SRGAP2: variants seen among roughly 807,000 people sequenced by gnomAD.
The protein encoded by SRGAP2 is SLIT-ROBO Rho GTPase-activating protein 2.
In SRGAP2, 15 loss-of-function variants were observed where a neutral mutation model predicts 57.2. The observed-to-expected ratio is 0.26, with a 90% CI of 0.18 to 0.40. The LOEUF (loss-of-function observed/expected upper bound fraction) is 0.40. Ranked by LOEUF, SRGAP2 falls within the 10% of genes least tolerant of loss-of-function variation. SRGAP2 has a pLI of 1.00. For synonymous variants in SRGAP2, 249 were observed against 248.0 expected, an observed-to-expected ratio of 1.00 and a Z score of -0.04; for missense variants, 520 against 669.6, an observed-to-expected ratio of 0.78 and a Z score of 2.47.
intron 4 of SRGAP2, among the ~76,000 whole-genome samples, chr1:206,372,928 T>G (rs1338621850): frequency 6.7e-4 from 5 of 7,454 alleles, no homozygotes; most frequent in African/African-American, 2.0e-3. Context: ...TCTTTCTTTC[T>G]TTCTTTCTTT....
intron 2 of SRGAP2, among the ~76,000 whole-genome samples, chr1:206,267,644 T>C (rs1341789446): frequency 1.3e-5 from 2 of 152,196 alleles, no homozygotes; most frequent in African/African-American, 4.8e-5. Flanking sequence ...CTAAGAGATG[T>C]AATAAATAAT....
intron 3 of SRGAP2, among the ~76,000 whole-genome samples, chr1:206,339,141 G>A (rs1674985311): frequency 6.7e-6 from 1 of 149,764 alleles, no homozygotes; most frequent in Admixed American, 6.6e-5. Context: ...TTTTAAAGTT[G>A]AGTCACTATC....
chr1:206,425,102 A>T (rs1484772277), intron 13 of SRGAP2, among the ~76,000 whole-genome samples: 1 of 152,188 alleles, frequency 6.6e-6, no homozygotes, highest in Non-Finnish European at 1.5e-5. Flanking sequence ...GTACTCACAC[A>T]ATTTGTTGAA....
intron 13 of SRGAP2, among the ~76,000 whole-genome samples, 163 bp downstream of exon 13, chr1:206,421,437 T>C (rs554363646): frequency 6.6e-6 from 1 of 152,380 alleles, no homozygotes; most frequent in East Asian, 1.9e-4. Flanking sequence ...GGCAATGTCA[T>C]TGATTTAACT....
chr1:206,369,200 T>A (rs1553342175), intron 4 of SRGAP2, among the ~76,000 whole-genome samples: 1 of 152,168 alleles, frequency 6.6e-6, no homozygotes, highest in Non-Finnish European at 1.5e-5. Context: ...GTTTAATATG[T>A]TTATGAAATT....
At chr1:206,423,488 AC>A (rs1660494707) in intron 13 of SRGAP2, among the ~76,000 whole-genome samples, 1 of 152,138 alleles carries the variant, frequency 6.6e-6, no homozygotes, top group African/African-American at 2.4e-5. Flanking sequence ...CATCAGTCTC[AC>A]CGTCCCCCAT....
At chr1:206,305,940 T>TA (rs1210996052) in intron 3 of SRGAP2, among the ~76,000 whole-genome samples, 2 of 151,808 alleles carry the variant, frequency 1.3e-5, no homozygotes, top group Non-Finnish European at 2.9e-5. Context: ...AATCATCTGA[T>TA]AAAAAAATGT....
chr1:206,437,277 T>C (rs1056953240), intron 15 of SRGAP2, among the ~76,000 whole-genome samples: 1 of 152,230 alleles, frequency 6.6e-6, no homozygotes, highest in Non-Finnish European at 1.5e-5. Context: ...TTCACGCCGA[T>C]GATCTGCCAA....
intron 13 of SRGAP2, among the ~76,000 whole-genome samples, chr1:206,428,574 G>T (rs1340888421): frequency 6.6e-6 from 1 of 152,190 alleles, no homozygotes; most frequent in Non-Finnish European, 1.5e-5. Context: ...GAGGGAGATT[G>T]CCTGGGTTTG....
chr1:206,440,223 T>G, intron 17 of SRGAP2, 142 bp downstream of exon 17: 1 of 604,924 alleles, frequency 1.7e-6, no homozygotes, highest in Non-Finnish European at 3.0e-6. Flanking sequence ...GCTAGACTTA[T>G]TTAATACATC....
chr1:206,373,976 A>G (rs1374918131), intron 4 of SRGAP2, among the ~76,000 whole-genome samples: 9 of 151,462 alleles, frequency 5.9e-5, no homozygotes. Flanking sequence ...CCTAAATGAC[A>G]TATATGGATA....
In SRGAP2 at chr1:206,461,301, C is replaced by T. The variant is rs782153510; in HGVS notation, c.3097C>T (p.Pro1033Ser). 1 of 780,930 alleles carries T rather than the reference C, an allele frequency of 1.3e-6. No homozygotes were observed. The highest frequency in any genetic ancestry group is 1.3e-5 in the South Asian group (1 of 74,616). The allele number at this position is 780,930 out of a possible 1,614,324, so 48.4% of individuals were successfully genotyped here. ...TGTCAAGTCTGTCAAGATGGCTGCC[C>T]CGGTCAAACCACCAGCCACACGGCC... ...RPVKSVKMAA[P>S]VKPPATRPKP... The change falls in exon 23 of 23, where the codon CCG (proline) becomes TCG (serine). Residue 1033 changes from proline to serine, a missense_variant. By Grantham distance (74) the Pro-to-Ser change is moderately conservative. Coordinates refer to ENST00000573034, the MANE Select transcript of SRGAP2 (RefSeq NM_015326.5).
At chr1:206,449,941 A>G (rs1413227674) in intron 18 of SRGAP2, among the ~76,000 whole-genome samples, 1 of 152,204 alleles carries the variant, frequency 6.6e-6, no homozygotes, top group African/African-American at 2.4e-5. Context: ...AGGAGATTAA[A>G]TAACTTGCCC....
rs1459362443 is a variant in SRGAP2 at position 206,228,432 on chromosome 1, T to C, written c.67+22395T>C. On this transcript the variant is annotated intron_variant, in intron 2 of 22. Transcript: ENST00000573034. ...AAAACTTATTATGCAATACACCCTA[T>C]CAGCAAATTAATTGAAGGCTGCCTC... Among the ~76,000 whole-genome samples, 3 of 151,474 alleles carry C rather than the reference T, an allele frequency of 2.0e-5. No individual in the cohort carries two copies. In the East Asian group the frequency reaches 5.9e-4, roughly 30 times the overall value.
intron 4 of SRGAP2, among the ~76,000 whole-genome samples, chr1:206,381,151 T>C (rs1655673811): frequency 6.6e-6 from 1 of 152,232 alleles, no homozygotes; most frequent in Admixed American, 6.5e-5. Flanking sequence ...AATCAGTACA[T>C]GAAAGGAAAC....
At chr1:206,284,919 G>A (rs1284998636) in intron 2 of SRGAP2, among the ~76,000 whole-genome samples, 2 of 152,310 alleles carry the variant, frequency 1.3e-5, no homozygotes, top group African/African-American at 2.4e-5. Context: ...ACCCCTAATC[G>A]TTGTGCATAC....
intron 4 of SRGAP2, among the ~76,000 whole-genome samples, chr1:206,359,796 C>CCCTTTTTTTTT (rs1558345475): frequency 9.6e-6 from 1 of 103,664 alleles, no homozygotes; most frequent in African/African-American, 4.7e-5. Flanking sequence ...AGGGATATTG[C>CCCTTTTTTTTT]TCTTTTTTTT....
Position 206,421,668 on chromosome 1 carries a change from T to C in SRGAP2, c.1494+394T>C, listed in dbSNP as rs1283262350. On this transcript the variant is annotated intron_variant, in intron 13 of 22. Transcript: ENST00000573034. ...CTAGACCAGACAATCTCGCTTTAAG[T>C]TGGCAGATTTTGTTTGATTGTTTCC... Among the ~76,000 whole-genome samples, 3 of 152,246 alleles carry C rather than the reference T, an allele frequency of 2.0e-5. No individual in the cohort carries two copies. The East Asian group carries it at 5.8e-4, about 29-fold the overall frequency.
chr1:206,364,835 A>C (rs1298574013), intron 4 of SRGAP2, among the ~76,000 whole-genome samples: 1 of 151,950 alleles, frequency 6.6e-6, no homozygotes, highest in Non-Finnish European at 1.5e-5. Flanking sequence ...AACTTTTGCC[A>C]CTTTCAGGCT....
Sources: allele counts gnomAD v4.1 joint callset (sites outside exome capture counted in the v4.1 genomes callset), GRCh38; gene constraint gnomAD v4.1.1; transcripts MANE v1.5; gene names NCBI Gene and HGNC (gene_info 2026-07-23, HGNC 2026-07-21).